ADGRB3: variants seen among roughly 807,000 people sequenced by gnomAD.
The protein encoded by ADGRB3 is adhesion G protein-coupled receptor B3.
A neutral mutation model predicts 193.4 loss-of-function variants in ADGRB3; 37 were observed. The ratio of observed to expected loss-of-function variants is 0.19; its 90% CI spans 0.15 to 0.25. The LOEUF is 0.25. ADGRB3 is among the 10% of genes least tolerant of loss of function. The pLI is 1.00. For synonymous variants in ADGRB3, 690 were observed against 644.2 expected, an observed-to-expected ratio of 1.07 and a Z score of -1.08; for missense variants, 1,637 against 1,852.9, an observed-to-expected ratio of 0.88 and a Z score of 2.14.
chr6:69,107,757 A>G (rs1167427090), intron 17 of ADGRB3, among the ~76,000 whole-genome samples: 1 of 152,190 alleles, frequency 6.6e-6, no homozygotes, highest in Non-Finnish European at 1.5e-5. Flanking sequence ...GGATGCAGCT[A>G]GAGGCCACTA....
At chr6:69,149,968 GTGTGTGT>G in intron 17 of ADGRB3, among the ~76,000 whole-genome samples, 1 of 141,322 alleles carries the variant, frequency 7.1e-6, no homozygotes, top group Non-Finnish European at 1.6e-5. Flanking sequence ...GTGTGTGTGT[GTGTGTGT>G]TGAGATCCCT....
intron 3 of ADGRB3, among the ~76,000 whole-genome samples, chr6:68,813,005 T>A (rs540836542): frequency 2.6e-4 from 39 of 152,276 alleles, no homozygotes; most frequent in African/African-American, 8.9e-4. Context: ...GAATCTGATA[T>A]GGTTTGGCTG....
chr6:68,778,278 G>A (rs1766789095), intron 3 of ADGRB3, among the ~76,000 whole-genome samples: 1 of 152,062 alleles, frequency 6.6e-6, no homozygotes. Flanking sequence ...GTGACAAGTG[G>A]AAAAGCTTCA....
chr6:69,283,757 A>G (rs186086298), intron 20 of ADGRB3, among the ~76,000 whole-genome samples: 25 of 152,302 alleles, frequency 1.6e-4, no homozygotes, highest in Admixed American at 1.2e-3. Context: ...ACTTCATTTG[A>G]TATGCAATCA....
At chr6:69,093,202 C>A (rs1369787146) in intron 17 of ADGRB3, among the ~76,000 whole-genome samples, 1 of 147,764 alleles carries the variant, frequency 6.8e-6, no homozygotes, top group African/African-American at 2.5e-5. Context: ...GAAGGGTGGG[C>A]AAAACAGGCT....
At chr6:68,670,193 G>A (rs1454245948) in intron 3 of ADGRB3, among the ~76,000 whole-genome samples, 1 of 151,950 alleles carries the variant, frequency 6.6e-6, no homozygotes, top group Non-Finnish European at 1.5e-5. Flanking sequence ...TGGGTAGTTT[G>A]TAAATATCTT....
intron 3 of ADGRB3, among the ~76,000 whole-genome samples, chr6:68,750,873 C>G (rs1288232432): frequency 6.6e-6 from 1 of 152,178 alleles, no homozygotes; most frequent in African/African-American, 2.4e-5. Context: ...TACAACATGC[C>G]CAACTTCAGG....
rs1191200120 is a variant in ADGRB3 at position 69,234,987 on chromosome 6, T to C, written c.2608-45T>C. 6 of 1,473,946 alleles carry C rather than the reference T, an allele frequency of 4.1e-6. No individual in the cohort carries two copies. In the African/African-American group the frequency reaches 7.0e-5, roughly 17 times the overall value. The allele number at this position is 1,473,946 out of a possible 1,614,324, so 91.3% of individuals were successfully genotyped here. On this transcript the variant is annotated intron_variant, in intron 18 of 31. Coordinates refer to ENST00000370598, the MANE Select transcript of ADGRB3 (RefSeq NM_001704.3). ...GCTGAGTCTAGAAGTTATTTTAATT[T>C]ATTAAAAACCAATTTGTTTCTTTTT...
intron 3 of ADGRB3, among the ~76,000 whole-genome samples, chr6:68,756,144 A>G (rs948950332): frequency 2.6e-5 from 4 of 152,186 alleles, no homozygotes; most frequent in Admixed American, 2.0e-4. Context: ...AAATTTCTTC[A>G]GGTCAAATTA....
chr6:69,314,268 C>G (rs1049763736), intron 20 of ADGRB3, among the ~76,000 whole-genome samples: 1 of 151,598 alleles, frequency 6.6e-6, no homozygotes, highest in Non-Finnish European at 1.5e-5. Context: ...TGACATATAT[C>G]TAACACTTTC....
At chr6:69,113,410 C>T (rs540893786) in intron 17 of ADGRB3, among the ~76,000 whole-genome samples, 56 of 151,820 alleles carry the variant, frequency 3.7e-4, no homozygotes, top group Middle Eastern at 3.5e-3. Flanking sequence ...CATATATACT[C>T]CACACAGAAA....
intron 17 of ADGRB3, among the ~76,000 whole-genome samples, chr6:69,106,012 T>C (rs1485572082): frequency 1.3e-5 from 2 of 151,530 alleles, no homozygotes; most frequent in African/African-American, 4.8e-5. Flanking sequence ...GGCTCGTGCC[T>C]GTAATCTGAG....
intron 3 of ADGRB3, among the ~76,000 whole-genome samples, chr6:68,813,361 C>T (rs771639767): frequency 6.6e-6 from 1 of 152,108 alleles, no homozygotes; most frequent in Non-Finnish European, 1.5e-5. Context: ...ACAGAATCCT[C>T]AAGATCTCAC....
intron 3 of ADGRB3, among the ~76,000 whole-genome samples, chr6:68,904,680 T>C (rs954026264): frequency 3.3e-5 from 5 of 152,194 alleles, no homozygotes; most frequent in African/African-American, 9.6e-5. Context: ...AGGTTTTATA[T>C]TTGGATATTA....
Position 69,325,635 on chromosome 6 carries a change from T to C in ADGRB3, c.2965+613T>C, listed in dbSNP as rs561443244. On this transcript the variant is annotated intron_variant, in intron 21 of 31. Coordinates refer to ENST00000370598, the MANE Select transcript of ADGRB3 (RefSeq NM_001704.3). ...CAAAGATCTATATTATAGGGCCAAT[T>C]CTAATGATAGCCTAGTTAATTTAAG... Among the ~76,000 whole-genome samples the C allele has an allele frequency of 4.6e-5, 7 of 152,278 alleles. No homozygotes were observed. In the East Asian group the frequency reaches 1.4e-3, roughly 29 times the overall value.
chr6:69,344,755 T>G (rs892265840), intron 26 of ADGRB3, among the ~76,000 whole-genome samples: 3 of 152,130 alleles, frequency 2.0e-5, no homozygotes, highest in Non-Finnish European at 4.4e-5. Flanking sequence ...TTAGTTGGTC[T>G]TTGAAGAGGA....
intron 3 of ADGRB3, among the ~76,000 whole-genome samples, chr6:68,816,788 A>G (rs1360343486): frequency 6.6e-6 from 1 of 152,108 alleles, no homozygotes; most frequent in Non-Finnish European, 1.5e-5. Flanking sequence ...CCTGGATCCA[A>G]TCCTAAGTAA....
chr6:68,825,887 C>T (rs965148596), intron 3 of ADGRB3, among the ~76,000 whole-genome samples: 3 of 152,204 alleles, frequency 2.0e-5, no homozygotes, highest in African/African-American at 7.2e-5. Flanking sequence ...ATTACCCAGA[C>T]TCAGCAGCTC....
chr6:69,347,518 A>C (rs1298401197), intron 26 of ADGRB3, among the ~76,000 whole-genome samples: 1 of 152,122 alleles, frequency 6.6e-6, no homozygotes, highest in Non-Finnish European at 1.5e-5. Context: ...TCATGCCTGT[A>C]ATCCTAGCAC....
Sources: allele counts gnomAD v4.1 joint callset (sites outside exome capture counted in the v4.1 genomes callset), GRCh38; gene constraint gnomAD v4.1.1; transcripts MANE v1.5; gene names NCBI Gene and HGNC (gene_info 2026-07-23, HGNC 2026-07-21).